MYCBP2: variants seen among roughly 807,000 people sequenced by gnomAD.
The protein encoded by MYCBP2 is E3 ubiquitin-protein ligase MYCBP2.
A neutral mutation model predicts 525.3 loss-of-function variants in MYCBP2; 120 were observed. That is an observed-to-expected ratio of 0.23 (90% CI 0.20 to 0.27). The LOEUF (loss-of-function observed/expected upper bound fraction) is 0.27, where lower values mean the gene tolerates loss of function less well. Ranked by LOEUF, MYCBP2 falls within the 10% of genes least tolerant of loss-of-function variation. MYCBP2 has a pLI of 1.00. For missense variants in MYCBP2, 4,149 were observed against 5,657.1 expected, an observed-to-expected ratio of 0.73 and a Z score of 8.55; for synonymous variants, 1,894 against 1,955.8, an observed-to-expected ratio of 0.97 and a Z score of 0.83.
At chr13:77,159,345 C>CATGTAACATGTAACAGAT (rs1439657396) in intron 44 of MYCBP2, among the ~76,000 whole-genome samples, 7 of 152,088 alleles carry the variant, frequency 4.6e-5, no homozygotes, top group Admixed American at 4.6e-4. Flanking sequence ...ATCAGAATAA[C>CATGTAACATGTAACAGAT]TACCTTACAT....
chr13:77,055,459 C>A, intron 80 of MYCBP2, 99 bp downstream of exon 80: 1 of 981,780 alleles, frequency 1.0e-6, no homozygotes, highest in Non-Finnish European at 1.5e-6. Flanking sequence ...TAACTTCAGG[C>A]TTAAGATGGA....
chr13:77,120,689 C>T (rs1161857902), intron 55 of MYCBP2, among the ~76,000 whole-genome samples: 2 of 152,126 alleles, frequency 1.3e-5, no homozygotes, highest in East Asian at 1.9e-4. Context: ...CATAAAAATG[C>T]AATTTCTGAT....
intron 23 of MYCBP2, among the ~76,000 whole-genome samples, chr13:77,208,774 T>G (rs1419087155): frequency 6.6e-6 from 1 of 152,224 alleles, no homozygotes; most frequent in Non-Finnish European, 1.5e-5. Context: ...TTTTCCTGTA[T>G]GTATTTTTGC....
At position 77,131,505 on chromosome 13, in the gene MYCBP2, C is replaced by T. The variant is rs111253288; in HGVS notation, c.7660-4963G>A. 8.2e-3 allele frequency among the ~76,000 whole-genome samples: 704 copies of T among 85,754 alleles called. 5 individuals are homozygous for T. The highest frequency in any genetic ancestry group is 0.021 in the African/African-American group (656 of 31,124). 56.3% of individuals were successfully genotyped at this position (85,754 alleles called of 152,430 possible). A position where few individuals can be genotyped will look rare whatever the true frequency, so the allele number is the denominator to read the frequency against. ...CATCTCAAACACACACACACACACACACACACAAACAAACACACACACACA... is the reference window on the plus strand; with the variant it reads ...CATCTCAAACACACACACACACACATACACACAAACAAACACACACACACA... On this transcript the variant is annotated intron_variant, in intron 52 of 82. Coordinates refer to ENST00000544440, the MANE Select transcript of MYCBP2 (RefSeq NM_015057.5).
At chr13:77,147,020 A>C (rs1345403931) in intron 47 of MYCBP2, among the ~76,000 whole-genome samples, 1 of 152,168 alleles carries the variant, frequency 6.6e-6, no homozygotes, top group Non-Finnish European at 1.5e-5. Flanking sequence ...TAGATCCCCA[A>C]TGGAATGCTT....
intron 68 of MYCBP2, among the ~76,000 whole-genome samples, chr13:77,074,181 A>G (rs1336128761): frequency 2.6e-5 from 4 of 152,180 alleles, no homozygotes; most frequent in Non-Finnish European, 5.9e-5. Flanking sequence ...GGAGCAGAAT[A>G]GAGTCCAGAA....
At chr13:77,277,130 G>C (rs2075713367) in intron 4 of MYCBP2, among the ~76,000 whole-genome samples, 1 of 152,168 alleles carries the variant, frequency 6.6e-6, no homozygotes, top group African/African-American at 2.4e-5. Context: ...AGAAGACTTA[G>C]GAGGAAAGAA....
At chr13:77,281,816 C>T (rs2076218105) in intron 3 of MYCBP2, among the ~76,000 whole-genome samples, 1 of 152,092 alleles carries the variant, frequency 6.6e-6, no homozygotes, top group African/African-American at 2.4e-5. Context: ...TTAGTTACAT[C>T]ACATTTGGAT....
chr13:77,191,454 T>C (rs1015133238), intron 28 of MYCBP2, among the ~76,000 whole-genome samples: 7 of 152,214 alleles, frequency 4.6e-5, no homozygotes, highest in African/African-American at 1.7e-4. Context: ...CAGAAATATA[T>C]ACAAATACCA....
At chr13:77,288,114 C>T in intron 3 of MYCBP2, 47 bp downstream of exon 3, 1 of 1,576,000 alleles carries the variant, frequency 6.3e-7, no homozygotes. Flanking sequence ...ATAGCCAGAA[C>T]ACCTGCAGGT....
intron 23 of MYCBP2, among the ~76,000 whole-genome samples, chr13:77,207,846 T>C (rs890246175): frequency 3.9e-5 from 6 of 152,180 alleles, no homozygotes; most frequent in South Asian, 4.1e-4. Context: ...TGGTAAATAA[T>C]AGAAACACAT....
In MYCBP2 at chr13:77,091,026, T is replaced by G. The variant is rs2045317863; in HGVS notation, c.10368-763A>C. 2.0e-5 allele frequency among the ~76,000 whole-genome samples: 3 copies of G among 152,194 alleles called. No homozygotes were observed. The South Asian group carries it at 6.2e-4, about 31-fold the overall frequency. On this transcript the variant is annotated intron_variant, in intron 59 of 82. Coordinates refer to ENST00000544440, the MANE Select transcript of MYCBP2 (RefSeq NM_015057.5). ...ACTATTCTTTTCGTGAGCTCCTTTT[T>G]CTGTCACCTGAATTCAAATTGGAAT...
At chr13:77,206,977 C>T (rs1309157131) in intron 23 of MYCBP2, 152 bp from the exon 24 acceptor site, 18 of 542,332 alleles carry the variant, frequency 3.3e-5, no homozygotes, top group Non-Finnish European at 4.7e-5. Context: ...CTAAGCTAAA[C>T]ATATAAAAAA....
At chr13:77,181,223 C>A (rs1166544795) in intron 33 of MYCBP2, among the ~76,000 whole-genome samples, 1 of 152,074 alleles carries the variant, frequency 6.6e-6, no homozygotes, top group Admixed American at 6.5e-5. Context: ...TAGCTGATTT[C>A]CAGCATGAAA....
Position 77,250,844 on chromosome 13 carries a change from G to A in MYCBP2, c.2381+307C>T, listed in dbSNP as rs151126336. On this transcript the variant is annotated intron_variant, in intron 15 of 82. Coordinates refer to ENST00000544440, the MANE Select transcript of MYCBP2 (RefSeq NM_015057.5). ...ATAATAGATATCTAGCATTAAATAGGCTTTGAAAAATAATACAAATAAAAG... is the reference window on the plus strand; with the variant it reads ...ATAATAGATATCTAGCATTAAATAGACTTTGAAAAATAATACAAATAAAAG... Among the ~76,000 whole-genome samples, 135 of 152,166 alleles carry A rather than the reference G, an allele frequency of 8.9e-4. No homozygotes were observed. In the East Asian group the frequency reaches 0.021, roughly 23 times the overall value.
chr13:77,219,832 T>C (rs2065304238), intron 20 of MYCBP2, among the ~76,000 whole-genome samples: 1 of 152,100 alleles, frequency 6.6e-6, no homozygotes, highest in South Asian at 2.1e-4. Flanking sequence ...TCAACTCAGA[T>C]ATAAAGGACT....
At chr13:77,083,235 A>C in intron 62 of MYCBP2, 43 bp from the exon 63 acceptor site, 1 of 1,566,556 alleles carries the variant, frequency 6.4e-7, no homozygotes. Flanking sequence ...TGTGTGCTGG[A>C]AGGAATCCTC....
intron 26 of MYCBP2, among the ~76,000 whole-genome samples, chr13:77,203,460 G>T (rs1942999352): frequency 6.6e-6 from 1 of 151,912 alleles, no homozygotes; most frequent in Non-Finnish European, 1.5e-5. Context: ...CGTGAAAATG[G>T]CCATACTGCC....
At chr13:77,118,340 T>C (rs1328247666) in intron 55 of MYCBP2, 4 of 757,178 alleles carry the variant, frequency 5.3e-6, no homozygotes, top group East Asian at 2.4e-5. Context: ...ACAGACTTAC[T>C]CTGAAGCTGA....
Sources: allele counts gnomAD v4.1 joint callset (sites outside exome capture counted in the v4.1 genomes callset), GRCh38; gene constraint gnomAD v4.1.1; transcripts MANE v1.5; gene names NCBI Gene and HGNC (gene_info 2026-07-23, HGNC 2026-07-21).